The following TSHZ2 variants were observed in gnomAD, a reference collection of about 807,000 sequenced individuals.
TSHZ2 encodes teashirt zinc finger homeobox 2.
In TSHZ2, 21 loss-of-function variants were observed where a neutral mutation model predicts 74.4. The ratio of observed to expected loss-of-function variants is 0.28; its 90% CI spans 0.20 to 0.41. TSHZ2 has a LOEUF of 0.41. Ranked by LOEUF, TSHZ2 falls within the 10% of genes least tolerant of loss-of-function variation. TSHZ2 has a pLI of 1.00. For missense variants in TSHZ2, 1,244 were observed against 1,293.5 expected (o/e 0.96, Z 0.59); for synonymous variants, 540 against 515.3 (o/e 1.05, Z -0.65).
chr20:53,311,767 T>G (rs1217035586), intron 2 of TSHZ2, among the ~76,000 whole-genome samples: 1 of 152,314 alleles, frequency 6.6e-6, no homozygotes, highest in South Asian at 2.1e-4. Flanking sequence ...GTCAATGCCT[T>G]ATTTGAATGA....
intron 1 of TSHZ2, among the ~76,000 whole-genome samples, chr20:53,010,247 C>A (rs1318373158): frequency 1.3e-5 from 2 of 152,172 alleles, no homozygotes; most frequent in South Asian, 4.1e-4. Flanking sequence ...AGTTTGAGAA[C>A]ATCCCTCTAT....
chr20:53,054,041 A>G (rs1193614760), intron 1 of TSHZ2, among the ~76,000 whole-genome samples: 1 of 152,172 alleles, frequency 6.6e-6, no homozygotes, highest in East Asian at 1.9e-4. Context: ...TGGACAACAT[A>G]TTTCCTTGCT....
intron 1 of TSHZ2, among the ~76,000 whole-genome samples, chr20:53,212,039 G>A (rs1027024883): frequency 2.0e-5 from 3 of 152,066 alleles, no homozygotes; most frequent in African/African-American, 4.8e-5. Flanking sequence ...CAATCATATC[G>A]AAGTGGCATA....
At chr20:53,177,403 A>T (rs1181733667) in intron 1 of TSHZ2, among the ~76,000 whole-genome samples, 1 of 152,204 alleles carries the variant, frequency 6.6e-6, no homozygotes, top group Non-Finnish European at 1.5e-5. Flanking sequence ...TCTACTGGGG[A>T]TCTCATTAAA....
chr20:52,981,667 T>C (rs1193506667), intron 1 of TSHZ2, among the ~76,000 whole-genome samples: 1 of 152,228 alleles, frequency 6.6e-6, no homozygotes, highest in Admixed American at 6.5e-5. Context: ...AGCAGTGTTT[T>C]AGCCTCTTCT....
chr20:53,103,851 G>A (rs55819222), intron 1 of TSHZ2, among the ~76,000 whole-genome samples: 18,165 of 152,196 alleles, frequency 0.12, 1,136 homozygotes, highest in African/African-American at 0.14. Context: ...AGGAGCTGCC[G>A]CAGGTGGGAC....
chr20:53,178,830 A>T (rs1988404883), intron 1 of TSHZ2: 1 of 152,194 alleles, frequency 6.6e-6, no homozygotes, highest in South Asian at 2.1e-4. Context: ...TAGATGCAGA[A>T]TTTGCTATAA....
At chr20:53,485,390 A>G (rs1056286144) in intron 2 of TSHZ2, among the ~76,000 whole-genome samples, 1 of 152,160 alleles carries the variant, frequency 6.6e-6, no homozygotes, top group Non-Finnish European at 1.5e-5. Context: ...TATAGTCAGC[A>G]TATATAACTA....
rs144246904 is a variant in TSHZ2 at position 53,144,499 on chromosome 20, G to C, written c.41-109000G>C. 3.9e-3 allele frequency among the ~76,000 whole-genome samples: 593 copies of C among 152,304 alleles called. 2 individuals are homozygous for C. The highest frequency in any genetic ancestry group is 6.1e-3 in the Non-Finnish European group (416 of 68,022). On this transcript the variant is annotated intron_variant, in intron 1 of 2. Coordinates refer to ENST00000371497, the MANE Select transcript of TSHZ2 (RefSeq NM_173485.6). ...AATTTTTGCAAGGAGGGTTTCAGTAGTAATAACAGCAAACGCTTATACAAT... is the reference window on the plus strand; with the variant it reads ...AATTTTTGCAAGGAGGGTTTCAGTACTAATAACAGCAAACGCTTATACAAT...
rs11481103 is a variant in TSHZ2 at position 53,193,167 on chromosome 20, CAAAAAA to C, written c.41-60324_41-60319del. On this transcript the variant is annotated intron_variant, in intron 1 of 2. Transcript: ENST00000371497. ...GGGCAAAGGGTTTTAAAAATACTTT[CAAAAAA>C]AAAAAAAGAAAAAAGAAAAAAAAAA... 3.1e-3 allele frequency among the ~76,000 whole-genome samples: 433 copies of C among 137,820 alleles called. 1 individual carries two copies. Among genetic ancestry groups the C allele is most frequent in the African/African-American group, 9.9e-3 (369 of 37,246 alleles). 90.4% of individuals were successfully genotyped at this position (137,820 alleles called of 152,430 possible). A position where few individuals can be genotyped will look rare whatever the true frequency, so the allele number is the denominator to read the frequency against.
chr20:53,250,015 A>G (rs1459527468), intron 1 of TSHZ2, among the ~76,000 whole-genome samples: 1 of 152,142 alleles, frequency 6.6e-6, no homozygotes, highest in Non-Finnish European at 1.5e-5. Context: ...TGGTCTCTTG[A>G]GTCAGTAGTT....
chr20:53,464,016 AC>A lies in TSHZ2; in HGVS notation c.*9-23125del, dbSNP rs540865599. Among the ~76,000 whole-genome samples the A allele has an allele frequency of 2.8e-3, 420 of 152,248 alleles. 2 individuals carry two copies. The highest frequency in any genetic ancestry group is 3.9e-3 in the Non-Finnish European group (264 of 68,014). The stretch of plus-strand genomic sequence containing the variant: ...CGTAAGCCTGAGCCTCCATGTCACC[AC>A]CCGCAAAATGGTAGGGGAGAAAGGA... On this transcript the variant is annotated intron_variant, in intron 2 of 2. Transcript: ENST00000371497.
chr20:53,223,115 G>A (rs1346742090), intron 1 of TSHZ2, among the ~76,000 whole-genome samples: 1 of 151,574 alleles, frequency 6.6e-6, no homozygotes, highest in East Asian at 1.9e-4. Context: ...AGAAAGTTCT[G>A]TTGAGAAGTG....
intron 2 of TSHZ2, among the ~76,000 whole-genome samples, chr20:53,296,141 T>A (rs562625407): frequency 5.1e-4 from 77 of 152,124 alleles, no homozygotes; most frequent in Non-Finnish European, 8.7e-4. Flanking sequence ...ATCTCCAAAA[T>A]TTTTTTTAAT....
chr20:53,148,023 A>G (rs1276270054), intron 1 of TSHZ2, among the ~76,000 whole-genome samples: 1 of 152,288 alleles, frequency 6.6e-6, no homozygotes, highest in East Asian at 1.9e-4. Flanking sequence ...CAGTGGGTCT[A>G]TGTCTTATAA....
intron 2 of TSHZ2, among the ~76,000 whole-genome samples, chr20:53,438,104 T>A (rs1984160975): frequency 6.8e-6 from 1 of 147,934 alleles, no homozygotes. Flanking sequence ...TTTTCTTTCT[T>A]TTTTTTTTTT....
At chr20:53,439,363 T>A (rs1023936767) in intron 2 of TSHZ2, among the ~76,000 whole-genome samples, 9 of 152,226 alleles carry the variant, frequency 5.9e-5, no homozygotes, top group Non-Finnish European at 8.8e-5. Context: ...AAAAAAATTT[T>A]TAACCTAATA....
At chr20:53,433,576 G>GACACACACACAC (rs1281093463) in intron 2 of TSHZ2, among the ~76,000 whole-genome samples, 2 of 76,700 alleles carry the variant, frequency 2.6e-5, no homozygotes, top group African/African-American at 1.1e-4. Flanking sequence ...CAGACACACA[G>GACACACACACAC]ACACACAGAC....
chr20:53,059,437 A>G (rs1984749417), intron 1 of TSHZ2, among the ~76,000 whole-genome samples: 1 of 152,224 alleles, frequency 6.6e-6, no homozygotes, highest in South Asian at 2.1e-4. Context: ...CCGAGAAAAG[A>G]CTAGGAAAAA....
Sources: gnomAD v4.1 joint callset for allele counts (sites outside exome capture counted in the v4.1 genomes callset) on GRCh38, gnomAD v4.1.1 for gene constraint, MANE v1.5 for transcripts, NCBI Gene and HGNC (gene_info 2026-07-23, HGNC 2026-07-21) for gene names.